Variants in NFKB1 observed in about 807,000 individuals in gnomAD.
The protein encoded by NFKB1 is nuclear factor NF-kappa-B p105 subunit.
In NFKB1, 9 loss-of-function variants were observed where a neutral mutation model predicts 105.1. The observed-to-expected ratio is 0.09, with a 90% CI of 0.05 to 0.15. NFKB1 has a LOEUF of 0.15. Among genes scored for constraint, NFKB1 ranks in the 10% least tolerant of loss-of-function variants. The pLI is 1.00. For missense variants in NFKB1, 830 were observed against 1,203.7 expected (o/e 0.69, Z 4.59); for synonymous variants, 440 against 442.2 (o/e 1.00, Z 0.06).
At chr4:102,564,703 G>C (rs1206642297) in intron 5 of NFKB1, among the ~76,000 whole-genome samples, 1 of 152,154 alleles carries the variant, frequency 6.6e-6, no homozygotes, top group Non-Finnish European at 1.5e-5. Context: ...GAGACTAATT[G>C]CCTCATAATG....
intron 1 of NFKB1, among the ~76,000 whole-genome samples, chr4:102,524,187 G>A (rs1740748959): frequency 6.6e-6 from 1 of 151,942 alleles, no homozygotes; most frequent in South Asian, 2.1e-4. Flanking sequence ...CATTTCTCAA[G>A]GAAGTAAATC....
chr4:102,601,089 TTTTTAGTAATGTTAA>T, intron 16 of NFKB1, 80 bp downstream of exon 16: 1 of 861,034 alleles, frequency 1.2e-6, no homozygotes, highest in Non-Finnish European at 1.9e-6. Context: ...GTGCATGTTA[TTTTTAGTAATGTTAA>T]CAGTAGCAAA....
At chr4:102,514,794 T>C (rs1387983459) in intron 1 of NFKB1, among the ~76,000 whole-genome samples, 1 of 152,218 alleles carries the variant, frequency 6.6e-6, no homozygotes, top group Non-Finnish European at 1.5e-5. Context: ...AATAAGATCA[T>C]TGTTTTTCTT....
intron 13 of NFKB1, 41 bp downstream of exon 13, chr4:102,595,022 AT>A (rs1439093505): frequency 1.5e-6 from 2 of 1,362,720 alleles, no homozygotes; most frequent in East Asian, 4.6e-5. Context: ...AAGGAAAAAA[AT>A]AATTAATGCT....
chr4:102,521,995 G>A (rs1377750390), intron 1 of NFKB1, among the ~76,000 whole-genome samples: 1 of 152,160 alleles, frequency 6.6e-6, no homozygotes, highest in African/African-American at 2.4e-5. Context: ...GAGATGCAGA[G>A]ATTAGTCCCA....
intron 18 of NFKB1, 100 bp downstream of exon 18, chr4:102,607,419 A>G (rs1160405161): frequency 6.8e-6 from 9 of 1,322,624 alleles, no homozygotes; most frequent in East Asian, 2.3e-5. Context: ...CTCCCTTACA[A>G]TCAGCTCTAT....
chr4:102,608,959 C>T lies in NFKB1; in HGVS notation c.2227+1208C>T, dbSNP rs147331533. Among the ~76,000 whole-genome samples the T allele has an allele frequency of 2.3e-3, 348 of 151,860 alleles. 1 individual carries two copies. The highest frequency in any genetic ancestry group is 8.1e-3 in the African/African-American group (335 of 41,460). On this transcript the variant is annotated intron_variant, in intron 19 of 23. Transcript: ENST00000226574. ...CTTGCACTAGGAGTGTGAGACCAACCAGGTTAACATTGTAAGACCTCATCT... is the reference window on the plus strand; with the variant it reads ...CTTGCACTAGGAGTGTGAGACCAACTAGGTTAACATTGTAAGACCTCATCT...
chr4:102,515,104 A>T (rs868426836), intron 1 of NFKB1, among the ~76,000 whole-genome samples: 153 of 113,454 alleles, frequency 1.3e-3, no homozygotes, highest in East Asian at 1.8e-3. Flanking sequence ...TATTATTATT[A>T]TTATTTTTTT....
chr4:102,514,053 T>C (rs1739961003), intron 1 of NFKB1, among the ~76,000 whole-genome samples: 1 of 151,844 alleles, frequency 6.6e-6, no homozygotes, highest in East Asian at 1.9e-4. Context: ...TGGGCGCCTG[T>C]AGTCCCAGCT....
chr4:102,585,370 A>G (rs545503913), intron 11 of NFKB1, among the ~76,000 whole-genome samples: 11 of 152,350 alleles, frequency 7.2e-5, no homozygotes, highest in Admixed American at 2.0e-4. Context: ...TATTTCCACC[A>G]AGCTTATATG....
At chr4:102,504,278 A>G (rs1026793398) in intron 1 of NFKB1, among the ~76,000 whole-genome samples, 2 of 152,218 alleles carry the variant, frequency 1.3e-5, no homozygotes, top group Non-Finnish European at 2.9e-5. Flanking sequence ...TAGGAAGTGT[A>G]TCTGGAAATG....
At chr4:102,591,419 CA>C (rs59255093) in intron 11 of NFKB1, among the ~76,000 whole-genome samples, 1,357 of 101,738 alleles carry the variant, frequency 0.013, 12 homozygotes, top group African/African-American at 0.042. Context: ...GACCCTGGCT[CA>C]AAAAAAAAAA....
chr4:102,519,594 A>G (rs1740437035), intron 1 of NFKB1, among the ~76,000 whole-genome samples: 1 of 152,086 alleles, frequency 6.6e-6, no homozygotes, highest in South Asian at 2.1e-4. Context: ...GTGTATTGTC[A>G]GAATCCTATT....
At chr4:102,584,845 T>A in intron 11 of NFKB1, 25 bp downstream of exon 11, 1 of 1,567,082 alleles carries the variant, frequency 6.4e-7, no homozygotes. Context: ...TAAAATCTTA[T>A]GCTCATATTT....
At chr4:102,582,346 G>A (rs1725377169) in intron 9 of NFKB1, among the ~76,000 whole-genome samples, 1 of 152,248 alleles carries the variant, frequency 6.6e-6, no homozygotes, top group South Asian at 2.1e-4. Context: ...TTGGACCCCA[G>A]TTTCTCTTTT....
At chr4:102,578,586 A>C (rs1725055491) in intron 7 of NFKB1, 2 of 460,956 alleles carry the variant, frequency 4.3e-6, no homozygotes, top group African/African-American at 3.9e-5. Context: ...TTTAACTCTT[A>C]CTGTAGAGAG....
intron 5 of NFKB1, among the ~76,000 whole-genome samples, chr4:102,558,670 A>G (rs555778683): frequency 6.6e-6 from 1 of 152,218 alleles, no homozygotes; most frequent in African/African-American, 2.4e-5. Context: ...TTTTTTTAAG[A>G]GACAGGGTCT....
chr4:102,563,819 CTTTTTT>C (rs34134600), intron 5 of NFKB1, among the ~76,000 whole-genome samples: 4 of 124,588 alleles, frequency 3.2e-5, no homozygotes, highest in Middle Eastern at 4.2e-3. Context: ...AAGCTTAACT[CTTTTTT>C]TTTTTTTTTT....
intron 1 of NFKB1, among the ~76,000 whole-genome samples, chr4:102,502,395 C>G (rs1164708428): frequency 1.0e-5 from 1 of 98,400 alleles, no homozygotes; most frequent in African/African-American, 4.7e-5. Flanking sequence ...CGCGCGCACA[C>G]ACACACACAC....
Sources: allele counts gnomAD v4.1 joint callset (sites outside exome capture counted in the v4.1 genomes callset), GRCh38; gene constraint gnomAD v4.1.1; transcripts MANE v1.5; gene names NCBI Gene and HGNC (gene_info 2026-07-23, HGNC 2026-07-21).